The following MATN2 variants were observed in gnomAD, a reference collection of about 807,000 sequenced individuals.
MATN2 encodes the protein matrilin-2.
In MATN2, 69 loss-of-function variants were observed where a neutral mutation model predicts 103.2. The ratio of observed to expected loss-of-function variants is 0.67; its 90% CI spans 0.55 to 0.82. MATN2 has a LOEUF of 0.82. Among genes scored for constraint, MATN2 ranks in the 40% least tolerant of loss-of-function variants. MATN2 has a pLI of 0.00. For synonymous variants in MATN2, 429 were observed against 450.2 expected, an observed-to-expected ratio of 0.95 and a Z score of 0.60; for missense variants, 1,023 against 1,211.5, an observed-to-expected ratio of 0.84 and a Z score of 2.31.
At chr8:97,976,008 C>A (rs1811823971) in intron 5 of MATN2, among the ~76,000 whole-genome samples, 1 of 152,180 alleles carries the variant, frequency 6.6e-6, no homozygotes, top group Admixed American at 6.5e-5. Flanking sequence ...CGTTGAGATC[C>A]TGAGATGACA....
chr8:97,874,401 TTCTTC>T (rs1817995622), intron 1 of MATN2, among the ~76,000 whole-genome samples: 1 of 66,748 alleles, frequency 1.5e-5, no homozygotes, highest in African/African-American at 3.0e-5. Flanking sequence ...CTTCTTCTTC[TTCTTC>T]TTTTTTTTTT....
At chr8:97,941,744 T>G in intron 3 of MATN2, 33 bp from the exon 4 acceptor site, 1 of 1,555,078 alleles carries the variant, frequency 6.4e-7, no homozygotes. Context: ...AGGGCATCAC[T>G]GTTGACTTAC....
intron 2 of MATN2, among the ~76,000 whole-genome samples, chr8:97,902,926 G>A (rs1819038752): frequency 6.6e-6 from 1 of 152,162 alleles, no homozygotes; most frequent in African/African-American, 2.4e-5. Context: ...AGCCTTCTTG[G>A]TGCAGATGCT....
chr8:97,996,962 A>C (rs925630725), intron 7 of MATN2, among the ~76,000 whole-genome samples: 16 of 152,202 alleles, frequency 1.1e-4, no homozygotes, highest in African/African-American at 3.4e-4. Context: ...AAACTGGGGG[A>C]AAAAAGATCA....
At chr8:97,945,921 A>G (rs1220295925) in intron 4 of MATN2, among the ~76,000 whole-genome samples, 1 of 152,048 alleles carries the variant, frequency 6.6e-6, no homozygotes, top group Non-Finnish European at 1.5e-5. Context: ...GAATCAGGTT[A>G]TTACAAAACA....
chr8:98,029,607 C>G (rs764288739), intron 14 of MATN2, among the ~76,000 whole-genome samples: 5 of 152,132 alleles, frequency 3.3e-5, no homozygotes, highest in African/African-American at 1.2e-4. Context: ...ACTGGGCTCC[C>G]GGACAAATAT....
At chr8:97,914,179 G>A (rs1444610245) in intron 2 of MATN2, among the ~76,000 whole-genome samples, 4 of 152,130 alleles carry the variant, frequency 2.6e-5, no homozygotes, top group South Asian at 2.1e-4. Flanking sequence ...TAGGCTGGGA[G>A]CTTGGATGGG....
At chr8:97,902,342 A>G (rs1429314758) in intron 2 of MATN2, among the ~76,000 whole-genome samples, 1 of 151,348 alleles carries the variant, frequency 6.6e-6, no homozygotes, top group Non-Finnish European at 1.5e-5. Context: ...CTAAAAATAC[A>G]AAAAATTAGC....
intron 2 of MATN2, among the ~76,000 whole-genome samples, chr8:97,913,090 C>G (rs371376611): frequency 2.0e-5 from 3 of 152,280 alleles, no homozygotes; most frequent in African/African-American, 7.2e-5. Flanking sequence ...CCGCAACTAA[C>G]TGGCTTTCTA....
At chr8:97,917,121 C>T (rs185126683) in intron 2 of MATN2, among the ~76,000 whole-genome samples, 1 of 152,174 alleles carries the variant, frequency 6.6e-6, no homozygotes, top group African/African-American at 2.4e-5. Flanking sequence ...TCCTTGCTAC[C>T]CAAAGATGCA....
chr8:97,971,310 T>C (rs540364063), intron 5 of MATN2, among the ~76,000 whole-genome samples: 5 of 152,368 alleles, frequency 3.3e-5, no homozygotes, highest in Admixed American at 1.3e-4. Context: ...GGTTTCACTT[T>C]GATTCATCCC....
At chr8:97,988,580 C>T (rs1812282671) in intron 6 of MATN2, among the ~76,000 whole-genome samples, 2 of 152,144 alleles carry the variant, frequency 1.3e-5, no homozygotes, top group Non-Finnish European at 2.9e-5. Flanking sequence ...AAGCCACGAT[C>T]ACACCACTGC....
At chr8:97,947,345 A>G (rs1810785820) in intron 4 of MATN2, among the ~76,000 whole-genome samples, 1 of 152,220 alleles carries the variant, frequency 6.6e-6, no homozygotes, top group African/African-American at 2.4e-5. Flanking sequence ...CTCCAGCAAC[A>G]GAGCGAGACT....
intron 5 of MATN2, among the ~76,000 whole-genome samples, chr8:97,972,250 A>G (rs1343607968): frequency 6.7e-6 from 1 of 149,348 alleles, no homozygotes; most frequent in African/African-American, 2.5e-5. Flanking sequence ...AGGTGGGAGG[A>G]TGGCTTGAGT....
intron 18 of MATN2, among the ~76,000 whole-genome samples, chr8:98,035,375 A>C (rs1210239645): frequency 2.0e-5 from 3 of 151,970 alleles, no homozygotes; most frequent in Non-Finnish European, 2.9e-5. Context: ...GAGAAAAAAA[A>C]CAAAAATAAA....
At chr8:98,022,933 T>C (rs1230088618) in intron 13 of MATN2, among the ~76,000 whole-genome samples, 1 of 151,856 alleles carries the variant, frequency 6.6e-6, no homozygotes, top group Non-Finnish European at 1.5e-5. Flanking sequence ...ACTAAAAATA[T>C]AAAAATTAGC....
chr8:97,941,114 A>T (rs1312739858), intron 3 of MATN2, among the ~76,000 whole-genome samples: 1 of 136,230 alleles, frequency 7.3e-6, no homozygotes, highest in Non-Finnish European at 1.5e-5. Context: ...GTGAGCCATG[A>T]TTGTGCCACT....
intron 6 of MATN2, among the ~76,000 whole-genome samples, chr8:97,984,116 G>A (rs1051044925): frequency 6.6e-6 from 1 of 152,174 alleles, no homozygotes; most frequent in Non-Finnish European, 1.5e-5. Context: ...GCTGGAAGAG[G>A]CTTTAAAGTT....
intron 6 of MATN2, among the ~76,000 whole-genome samples, chr8:97,988,379 A>G (rs1174015426): frequency 6.6e-6 from 1 of 151,620 alleles, no homozygotes; most frequent in African/African-American, 2.4e-5. Flanking sequence ...TAATCCCAGA[A>G]CTTTGGGAGG....
Sources: gnomAD v4.1 joint callset for allele counts (sites outside exome capture counted in the v4.1 genomes callset) on GRCh38, gnomAD v4.1.1 for gene constraint, MANE v1.5 for transcripts, NCBI Gene and HGNC (gene_info 2026-07-23, HGNC 2026-07-21) for gene names.